The following TRIM6 variants were observed in gnomAD, a reference collection of about 807,000 sequenced individuals.
The protein encoded by TRIM6 is tripartite motif-containing protein 6.
In TRIM6, 43 loss-of-function variants were observed where a neutral mutation model predicts 51.2. The ratio of observed to expected loss-of-function variants is 0.84; its 90% CI spans 0.66 to 1.08. TRIM6 has a LOEUF of 1.08. TRIM6 is among the 50% of genes least tolerant of loss of function. The pLI, the probability that TRIM6 is intolerant of heterozygous loss-of-function variation, is 0.00. For synonymous variants in TRIM6, 215 were observed against 232.4 expected (o/e 0.93, Z 0.68); for missense variants, 669 against 619.0 (o/e 1.08, Z -0.86).
chr11:5,606,738 G>T (rs1310685993), intron 4 of TRIM6, among the ~76,000 whole-genome samples: 1 of 152,108 alleles, frequency 6.6e-6, no homozygotes, highest in Non-Finnish European at 1.5e-5. Context: ...AAATGCAAAT[G>T]AATCGTCAAT....
At chr11:5,605,844 T>A (rs1248135940) in intron 4 of TRIM6, among the ~76,000 whole-genome samples, 1 of 152,210 alleles carries the variant, frequency 6.6e-6, no homozygotes, top group Non-Finnish European at 1.5e-5. Context: ...TCCAGTGATG[T>A]TGTTCTTTCT....
chr11:5,604,430 G>A lies in TRIM6; in HGVS notation c.508-104G>A, dbSNP rs1848078663. The A allele has an allele frequency of 3.1e-6, 4 of 1,295,446 alleles. No homozygotes were observed. The Admixed American group carries it at 7.2e-5, about 23-fold the overall frequency. 80.2% of individuals were successfully genotyped at this position (1,295,446 alleles called of 1,614,324 possible). Reference sequence around the variant, plus strand: ...CAAGTTTTCATCCTAGGTTAGGACAGGCTTCTTTTGAGGTTAGCAGAATCT... The same window carrying A: ...CAAGTTTTCATCCTAGGTTAGGACAAGCTTCTTTTGAGGTTAGCAGAATCT... On this transcript the variant is annotated intron_variant, in intron 2 of 7. Coordinates refer to ENST00000380097, the MANE Select transcript of TRIM6 (RefSeq NM_001003818.3).
intron 1 of TRIM6, among the ~76,000 whole-genome samples, chr11:5,600,021 C>T (rs879941944): frequency 2.0e-5 from 3 of 152,132 alleles, no homozygotes; most frequent in Non-Finnish European, 4.4e-5. Flanking sequence ...GTGCAGTTCC[C>T]ACAGGTGTGA....
intron 1 of TRIM6, among the ~76,000 whole-genome samples, chr11:5,598,299 TC>T (rs1224751162): frequency 6.6e-6 from 1 of 152,160 alleles, no homozygotes; most frequent in Non-Finnish European, 1.5e-5. Flanking sequence ...AACTGTATGC[TC>T]CCCTCCTTCA....
chr11:5,597,073 A>ATTT lies in TRIM6; in HGVS notation c.17+159_17+160insTTT, dbSNP rs1554908779. The stretch of plus-strand genomic sequence containing the variant: ...ACCCCACTGAGGTTAGAGACATTTT[A>ATTT]ATCAGTCAGTCAATAGAGACAGAAA... On this transcript the variant is annotated intron_variant, in intron 1 of 7. Transcript: ENST00000380097. Among the ~76,000 whole-genome samples, 479 of 151,906 alleles carry ATTT rather than the reference A, an allele frequency of 3.2e-3. 1 individual carries two copies. Among genetic ancestry groups the ATTT allele is most frequent in the Middle Eastern group, 0.017 (5 of 294 alleles).
chr11:5,610,596 A>T, intron 7 of TRIM6, 35 bp downstream of exon 7: 1 of 1,604,302 alleles, frequency 6.2e-7, no homozygotes, highest in Non-Finnish European at 8.5e-7. Context: ...GGGCTGGCAC[A>T]TTCTGATCTC....
intron 2 of TRIM6, 95 bp downstream of exon 2, chr11:5,603,830 T>C (rs963295910): frequency 3.4e-6 from 5 of 1,492,136 alleles, no homozygotes; most frequent in Middle Eastern, 1.8e-4. Context: ...TTGTAGTCTT[T>C]ATTTACCTAG....
In TRIM6 at chr11:5,611,089, G is replaced by A. The variant is rs757499662; in HGVS notation, c.1298G>A (p.Gly433Glu). 6 of 1,613,986 alleles carry A rather than the reference G, an allele frequency of 3.7e-6. No individual in the cohort carries two copies. In the Admixed American group the frequency reaches 8.3e-5, roughly 22 times the overall value. ...CCTCAGAGTGGATACTGGGTGATTGGGTTACAGCATAACCATGAATATAGG... is the reference window on the plus strand; with the variant it reads ...CCTCAGAGTGGATACTGGGTGATTGAGTTACAGCATAACCATGAATATAGG... ...YQPQSGYWVI[G>E]LQHNHEYRAY... Residue 433 changes from glycine to glutamate, a missense_variant, in exon 8 of 8, where the codon GGG (glycine) becomes GAG (glutamate). Physicochemically the swap from Gly to Glu is moderately conservative, Grantham distance 98 (BLOSUM62 -2). Coordinates refer to ENST00000380097, the MANE Select transcript of TRIM6 (RefSeq NM_001003818.3).
intron 1 of TRIM6, among the ~76,000 whole-genome samples, chr11:5,597,386 T>G (rs1304328074): frequency 2.6e-5 from 4 of 152,232 alleles, no homozygotes; most frequent in Admixed American, 2.6e-4. Flanking sequence ...ATTTTTAAAT[T>G]ATAGGTTTCT....
chr11:5,599,635 C>A (rs1224668250), intron 1 of TRIM6, among the ~76,000 whole-genome samples: 1 of 152,068 alleles, frequency 6.6e-6, no homozygotes, highest in East Asian at 1.9e-4. Flanking sequence ...GATCTCCTGA[C>A]CTTGTGATCC....
Position 5,605,475 on chromosome 11 carries a change from G to C in TRIM6, c.742G>C (p.Glu248Gln), listed in dbSNP as rs370360427. The change falls in exon 4 of 8, where the codon GAG (glutamate) becomes CAG (glutamine). Residue 248 changes from glutamate (E) to glutamine (Q), a missense_variant. By Grantham distance (29) the Glu-to-Gln change is conservative (BLOSUM62 2). Coordinates refer to ENST00000380097, the MANE Select transcript of TRIM6 (RefSeq NM_001003818.3). ...GGGGCTACGAATTATAGAAGAGGCT[G>C]AGAATGATCTGGTCCACCAGACCCA... ...KKGLRIIEEA[E>Q]NDLVHQTQSL... 27 of 1,614,080 alleles carry C rather than the reference G, an allele frequency of 1.7e-5. No individual in the cohort carries two copies. Among genetic ancestry groups the C allele is most frequent in the African/African-American group, 2.7e-5 (2 of 74,916 alleles).
rs142429455 is a variant in TRIM6, at chr11:5,604,868, G to A, written c.603+239G>A. 678 of 472,948 alleles carry A rather than the reference G, an allele frequency of 1.4e-3. 6 individuals are homozygous for A. Among genetic ancestry groups the A allele is most frequent in the African/African-American group, 0.011 (564 of 50,674 alleles). The allele number at this position is 472,948 out of a possible 1,614,324, so 29.3% of individuals were successfully genotyped here. On this transcript the variant is annotated intron_variant, in intron 3 of 7. Coordinates refer to ENST00000380097, the MANE Select transcript of TRIM6 (RefSeq NM_001003818.3). ...AGCAGAGGAACCATGGCTAGGGGTC[G>A]CCCCAATTCATAATTCTGGGTCTTG...
intron 2 of TRIM6, among the ~76,000 whole-genome samples, chr11:5,604,167 TGTGTGTGTGC>T (rs149960503): frequency 0.065 from 9,610 of 147,450 alleles, 332 homozygotes; most frequent in South Asian, 0.11. Context: ...GCTAATTGTG[TGTGTGTGTGC>T]GTGTGTGTGT....
Position 5,605,440 on chromosome 11 carries a change from A to T in TRIM6, c.707A>T (p.Glu236Val). 4 of 1,614,204 alleles carry T rather than the reference A, an allele frequency of 2.5e-6. No homozygotes were observed. The highest frequency in any genetic ancestry group is 3.4e-6 in the Non-Finnish European group (4 of 1,180,040). Residue 236 changes from glutamate (E) to valine (V), a missense_variant, in exon 4 of 8, where the codon GAA (glutamate) becomes GTA (valine). Glu to Val is a moderately radical substitution (Grantham distance 121, BLOSUM62 -2). Transcript: ENST00000380097. The stretch of plus-strand genomic sequence containing the variant: ...CGGGAGCTGAAAAAGCTGGAACAGG[A>T]AGAGAAGAAGGGGCTACGAATTATA... ...EQRELKKLEQ[E>V]EKKGLRIIEE...
At chr11:5,599,596 G>T (rs933600653) in intron 1 of TRIM6, among the ~76,000 whole-genome samples, 6 of 152,028 alleles carry the variant, frequency 3.9e-5, no homozygotes, top group Admixed American at 1.3e-4. Flanking sequence ...GTAGAGACAG[G>T]GTTTCACCGT....
Position 5,612,492 on chromosome 11 carries a change from T to C in TRIM6, c.*1150T>C, listed in dbSNP as rs527735718. The C allele has an allele frequency of 6.6e-6, 1 of 152,254 alleles. No homozygotes were observed. Among genetic ancestry groups the C allele is most frequent in the African/African-American group, 2.4e-5 (1 of 41,554 alleles). The allele number at this position is 152,254 out of a possible 1,614,324, so 9.4% of individuals were successfully genotyped here. On this transcript the variant is annotated 3_prime_UTR_variant, in exon 8 of 8. Transcript: ENST00000380097. ...GGAGAGAAAAACAATCCAATACATA[T>C]TTTTCTCTCAGAATAGAAAGAAAAC...
At chr11:5,609,050 A>G (rs1219199408) in intron 5 of TRIM6, among the ~76,000 whole-genome samples, 1 of 151,798 alleles carries the variant, frequency 6.6e-6, no homozygotes, top group African/African-American at 2.4e-5. Context: ...CTTGCTCCCT[A>G]GTAGATTTTC....
intron 7 of TRIM6, 99 bp from the exon 8 acceptor site, chr11:5,610,678 A>G: frequency 1.3e-6 from 2 of 1,568,402 alleles, no homozygotes; most frequent in South Asian, 1.2e-5. Flanking sequence ...CCCGCCATAT[A>G]GTTCCAGTTC....
At position 5,603,619 on chromosome 11, in the gene TRIM6, A is replaced by G. The variant is rs746684756; in HGVS notation, c.391A>G (p.Lys131Glu). 4 of 1,613,538 alleles carry G rather than the reference A, an allele frequency of 2.5e-6. No individual in the cohort carries two copies. ...AGTTCTTTGTGCAGACCATGGAGAA[A>G]AACTGCAGCTCTTCTGTCAGGAGGA... ...KAVLCADHGE[K>E]LQLFCQEDGK... Residue 131 changes from lysine to glutamate, a missense_variant, in exon 2 of 8, where the codon AAA becomes GAA. Physicochemically the swap from Lys to Glu is moderately conservative, Grantham distance 56. Transcript: ENST00000380097.
Sources: gnomAD v4.1 joint callset for allele counts (sites outside exome capture counted in the v4.1 genomes callset) on GRCh38, gnomAD v4.1.1 for gene constraint, MANE v1.5 for transcripts, NCBI Gene and HGNC (gene_info 2026-07-23, HGNC 2026-07-21) for gene names.